BNC2: variants seen among roughly 807,000 people sequenced by gnomAD.
The protein encoded by BNC2 is zinc finger protein basonuclin-2.
Under a neutral mutation model 76.3 loss-of-function variants are expected in BNC2, and 20 were observed. The observed-to-expected ratio is 0.26, with a 90% CI of 0.18 to 0.38. The LOEUF (loss-of-function observed/expected upper bound fraction) is 0.38. Ranked by LOEUF, BNC2 falls within the 10% of genes least tolerant of loss-of-function variation. BNC2 has a pLI of 1.00. For synonymous variants in BNC2, 582 were observed against 514.8 expected (o/e 1.13, Z -1.77); for missense variants, 1,382 against 1,399.8 (o/e 0.99, Z 0.20).
chr9:16,570,719 C>G lies in BNC2; in HGVS notation c.433+12264G>C, dbSNP rs184089853. On this transcript the variant is annotated intron_variant, in intron 4 of 6. Transcript: ENST00000380672. ...CATATCATTGAGCAGATAGGGAAAC[C>G]TAAAGTTACCATCCCATTCTCTATT... is the stretch of plus-strand genomic sequence containing the variant. Among the ~76,000 whole-genome samples the G allele has an allele frequency of 9.5e-3, 1,441 of 151,972 alleles. 25 individuals carry two copies. The highest frequency in any genetic ancestry group is 0.033 in the African/African-American group (1,377 of 41,470).
intron 5 of BNC2, among the ~76,000 whole-genome samples, chr9:16,501,777 G>C (rs145768861): frequency 1.3e-5 from 2 of 152,102 alleles, no homozygotes; most frequent in African/African-American, 4.8e-5. Flanking sequence ...TTAAAAAAGC[G>C]AATGTAACCA....
rs774287597 is a variant in BNC2 at position 16,435,780 on chromosome 9, T to C, written c.2414A>G (p.His805Arg). The C allele has an allele frequency of 5.0e-6, 8 of 1,614,112 alleles. No individual in the cohort carries two copies. The Admixed American group carries it at 8.3e-5, about 17-fold the overall frequency. ...NGGGASMAAL[H>R]ESFTSSLNYG... ...ATTCAGAGACGATGTAAAGCTCTCA[T>C]GCAAGGCGGCCATGCTGGCACCCCC... The change falls in exon 6 of 7, where the codon CAT becomes CGT. Residue 805 changes from histidine to arginine, a missense_variant. His to Arg is a conservative substitution (Grantham distance 29, BLOSUM62 0). Coordinates refer to ENST00000380672, the MANE Select transcript of BNC2 (RefSeq NM_017637.6).
intron 5 of BNC2, among the ~76,000 whole-genome samples, chr9:16,499,924 T>C (rs760152101): frequency 6.6e-6 from 1 of 152,062 alleles, no homozygotes; most frequent in East Asian, 1.9e-4. Flanking sequence ...ACTACTATCA[T>C]ACTAAGGCTC....
At chr9:16,826,085 G>A (rs759484856) in intron 1 of BNC2, among the ~76,000 whole-genome samples, 6 of 152,048 alleles carry the variant, frequency 3.9e-5, no homozygotes, top group Non-Finnish European at 7.4e-5. Flanking sequence ...CAAGCTCCCC[G>A]ACCCACTCAA....
chr9:16,607,493 G>C (rs1820419323), intron 3 of BNC2, among the ~76,000 whole-genome samples: 1 of 152,124 alleles, frequency 6.6e-6, no homozygotes, highest in Admixed American at 6.6e-5. Flanking sequence ...AAAGAGTTTT[G>C]ATAACGGCTA....
Position 16,436,896 on chromosome 9 carries a change from C to T in BNC2, c.1298G>A (p.Gly433Glu). 1 of 1,614,038 alleles carries T rather than the reference C, an allele frequency of 6.2e-7. No homozygotes were observed. Among genetic ancestry groups the T allele is most frequent in the Non-Finnish European group, 8.5e-7 (1 of 1,180,020 alleles). The stretch of plus-strand genomic sequence containing the variant: ...CACTCTTCCTTTCCTAGAGGCTGAC[C>T]CCATCCTTCTCATCCGATGAATCCG... ...SFRIHRMRRM[G>E]SASRKGRVFC... The change falls in exon 6 of 7, where the codon GGG becomes GAG. Residue 433 changes from glycine (G) to glutamate (E), a missense_variant. Around this residue, in one of 3 missense-constraint regions of BNC2, gnomAD observed 557 missense variants for 540.9 expected, o/e 1.03. Coordinates refer to ENST00000380672, the MANE Select transcript of BNC2 (RefSeq NM_017637.6).
intron 6 of BNC2, among the ~76,000 whole-genome samples, chr9:16,433,330 T>C (rs1305179393): frequency 6.6e-6 from 1 of 152,230 alleles, no homozygotes; most frequent in East Asian, 1.9e-4. Flanking sequence ...TTATCTTATG[T>C]GACAAAGCTC....
At chr9:16,542,856 T>C (rs911680196) in intron 5 of BNC2, among the ~76,000 whole-genome samples, 1 of 152,200 alleles carries the variant, frequency 6.6e-6, no homozygotes, top group Admixed American at 6.6e-5. Context: ...CACAGATCCT[T>C]ATCTCATTTT....
intron 6 of BNC2, among the ~76,000 whole-genome samples, chr9:16,422,201 G>A (rs1042257889): frequency 6.6e-6 from 1 of 152,136 alleles, no homozygotes; most frequent in Non-Finnish European, 1.5e-5. Context: ...AATCTAATTA[G>A]ACGATGTACC....
At chr9:16,616,782 A>AG (rs1820711734) in intron 3 of BNC2, among the ~76,000 whole-genome samples, 1 of 130,596 alleles carries the variant, frequency 7.7e-6, no homozygotes, top group Non-Finnish European at 1.7e-5. Context: ...AGGGGAGGGG[A>AG]GGAAGGAGGG....
intron 4 of BNC2, among the ~76,000 whole-genome samples, chr9:16,581,223 C>G (rs1431655624): frequency 2.5e-4 from 38 of 152,204 alleles, no homozygotes; most frequent in Admixed American, 2.5e-3. Flanking sequence ...GGGCCCTAAT[C>G]CAATCTGACT....
chr9:16,695,608 C>A (rs1173267488), intron 3 of BNC2, among the ~76,000 whole-genome samples: 3 of 149,768 alleles, frequency 2.0e-5, no homozygotes, highest in African/African-American at 7.4e-5. Context: ...CTCCTGGCCT[C>A]AAGTGATCCT....
Position 16,412,469 on chromosome 9 carries a change from T to C in BNC2, c.*6520A>G, listed in dbSNP as rs1332192581. 2 of 152,484 alleles carry C rather than the reference T, an allele frequency of 1.3e-5. No homozygotes were observed. The highest frequency in any genetic ancestry group is 2.9e-5 in the Non-Finnish European group (2 of 68,042). 9.4% of individuals were successfully genotyped at this position (152,484 alleles called of 1,614,324 possible). On this transcript the variant is annotated 3_prime_UTR_variant, in exon 7 of 7. Coordinates refer to ENST00000380672, the MANE Select transcript of BNC2 (RefSeq NM_017637.6). ...GCCACTGACTTGCAGGAAAATTTGC[T>C]CTAATTATAGGGCCACACCCATTAC... is the stretch of plus-strand genomic sequence containing the variant.
At chr9:16,765,790 T>C (rs1286766123) in intron 1 of BNC2, among the ~76,000 whole-genome samples, 1 of 151,972 alleles carries the variant, frequency 6.6e-6, no homozygotes, top group East Asian at 1.9e-4. Context: ...TAATTTTTTT[T>C]TTTTTTTTTT....
chr9:16,463,528 C>G (rs1363998638), intron 5 of BNC2, among the ~76,000 whole-genome samples: 1 of 142,882 alleles, frequency 7.0e-6, no homozygotes, highest in East Asian at 2.0e-4. Context: ...AATCTCCTGA[C>G]CTCGTGATCC....
intron 4 of BNC2, among the ~76,000 whole-genome samples, chr9:16,581,472 C>A (rs1490501461): frequency 6.6e-6 from 1 of 152,128 alleles, no homozygotes. Flanking sequence ...GAAGGAGAAC[C>A]GCTTGAACCC....
chr9:16,481,329 T>G (rs1208373652), intron 5 of BNC2, among the ~76,000 whole-genome samples: 1 of 152,128 alleles, frequency 6.6e-6, no homozygotes, highest in African/African-American at 2.4e-5. Flanking sequence ...CGGGTCCCCT[T>G]CCACATCGTG....
intron 1 of BNC2, among the ~76,000 whole-genome samples, chr9:16,814,271 G>C (rs1345487885): frequency 6.6e-6 from 1 of 152,166 alleles, no homozygotes. Context: ...GCACGTGAGT[G>C]CACACAGGGA....
chr9:16,472,182 T>C (rs1821840544), intron 5 of BNC2, among the ~76,000 whole-genome samples: 1 of 152,208 alleles, frequency 6.6e-6, no homozygotes, highest in Admixed American at 6.5e-5. Flanking sequence ...AAGCACTATA[T>C]TGTCCTGTAG....
Sources: gnomAD v4.1 joint callset for allele counts (sites outside exome capture counted in the v4.1 genomes callset) on GRCh38, gnomAD v4.1.1 for gene constraint, gnomAD v4.1.1 regional missense constraint, MANE v1.5 for transcripts, NCBI Gene and HGNC (gene_info 2026-07-23, HGNC 2026-07-21) for gene names.